Variants in KIAA1671 observed in about 807,000 individuals in gnomAD.
KIAA1671 encodes KIAA1671, also known as uncharacterized protein KIAA1671.
KIAA1671 carries 52 observed loss-of-function variants against 131.2 expected under a neutral mutation model. The ratio of observed to expected loss-of-function variants is 0.40; its 90% confidence interval spans 0.32 to 0.50. The LOEUF is 0.50. Ranked by LOEUF, KIAA1671 falls within the 20% of genes least tolerant of loss-of-function variation. The probability of loss-of-function intolerance (pLI) is 0.73; values close to 1 mark genes in which losing one functional copy is unlikely to be tolerated. For missense variants in KIAA1671, 2,360 were observed against 2,364.2 expected, an observed-to-expected ratio of 1.00 and a Z score of 0.04; for synonymous variants, 1,003 against 961.6, an observed-to-expected ratio of 1.04 and a Z score of -0.80.
At chr22:25,182,626 T>A (rs1402986772) in intron 10 of KIAA1671, among the ~76,000 whole-genome samples, 1 of 152,206 alleles carries the variant, frequency 6.6e-6, no homozygotes, top group East Asian at 1.9e-4. Flanking sequence ...CCAACTTACT[T>A]GGCTTTCACC....
chr22:24,979,837 A>G (rs1467275337), intron 1 of KIAA1671, among the ~76,000 whole-genome samples: 1 of 152,032 alleles, frequency 6.6e-6, no homozygotes, highest in Non-Finnish European at 1.5e-5. Flanking sequence ...TTCTTTCTCT[A>G]TGAATTTGAC....
chr22:25,196,782 C>T lies in KIAA1671; in HGVS notation c.*4381C>T, dbSNP rs1471141933. On this transcript the variant is annotated 3_prime_UTR_variant, in exon 13 of 13. Coordinates refer to ENST00000358431, the MANE Select transcript of KIAA1671 (RefSeq NM_001145206.2). ...CTCATTCCACATAGCCTTATAGATC[C>T]TGTAAATAGGGGGGGTCACAAAAGT... 1 of 144,398 alleles carries T rather than the reference C, an allele frequency of 6.9e-6. No individual in the cohort carries two copies. Among genetic ancestry groups the T allele is most frequent in the African/African-American group, 2.5e-5 (1 of 40,284 alleles). The allele number at this position is 144,398 out of a possible 1,614,324, so 8.9% of individuals were successfully genotyped here. A position where few individuals can be genotyped will look rare whatever the true frequency, so the allele number is the denominator to read the frequency against.
At chr22:25,187,826 G>A (rs1196210287) in intron 11 of KIAA1671, among the ~76,000 whole-genome samples, 1 of 152,010 alleles carries the variant, frequency 6.6e-6, no homozygotes. Context: ...TTAAAATGTT[G>A]TGTTCTCATT....
chr22:24,977,829 C>T (rs1463915945), intron 1 of KIAA1671, among the ~76,000 whole-genome samples: 1 of 152,216 alleles, frequency 6.6e-6, no homozygotes, highest in Non-Finnish European at 1.5e-5. Flanking sequence ...TCAGCTTCCC[C>T]ACATTCGGCA....
intron 6 of KIAA1671, among the ~76,000 whole-genome samples, chr22:25,144,729 G>A (rs1932851558): frequency 6.6e-6 from 1 of 152,106 alleles, no homozygotes; most frequent in Non-Finnish European, 1.5e-5. Flanking sequence ...GAGACAAAGG[G>A]ACTTGCCCAG....
chr22:25,076,842 G>A (rs112323365), intron 6 of KIAA1671, among the ~76,000 whole-genome samples: 11 of 152,158 alleles, frequency 7.2e-5, no homozygotes, highest in Non-Finnish European at 1.0e-4. Context: ...TGTACTAAAC[G>A]CCTTTCAGAG....
At chr22:25,141,466 T>A (rs374518725) in intron 6 of KIAA1671, among the ~76,000 whole-genome samples, 74 of 152,228 alleles carry the variant, frequency 4.9e-4, no homozygotes, top group African/African-American at 1.8e-3. Context: ...TCTCCTGACC[T>A]CGTGATCCGC....
At chr22:25,069,969 G>A (rs563627758) in intron 6 of KIAA1671, 6 of 176,660 alleles carry the variant, frequency 3.4e-5, no homozygotes, top group South Asian at 4.0e-4. Context: ...ACACACACGC[G>A]TGCACACATT....
intron 6 of KIAA1671, among the ~76,000 whole-genome samples, chr22:25,108,284 G>A (rs891560056): frequency 6.6e-6 from 1 of 152,172 alleles, no homozygotes; most frequent in Admixed American, 6.5e-5. Context: ...CCACCCCGAT[G>A]TCCAGATGGT....
At chr22:25,058,920 C>T (rs1480037047) in intron 6 of KIAA1671, 1 of 152,236 alleles carries the variant, frequency 6.6e-6, no homozygotes, top group Non-Finnish European at 1.5e-5. Flanking sequence ...CCTCTCTAAA[C>T]TCAGATGTCA....
chr22:25,148,847 C>A (rs1932945042), intron 6 of KIAA1671, among the ~76,000 whole-genome samples: 1 of 152,170 alleles, frequency 6.6e-6, no homozygotes, highest in Non-Finnish European at 1.5e-5. Flanking sequence ...GTGTTTACTG[C>A]AAGGGCTTTA....
intron 6 of KIAA1671, among the ~76,000 whole-genome samples, chr22:25,068,135 C>T (rs142869120): frequency 4.7e-4 from 71 of 152,294 alleles, no homozygotes; most frequent in African/African-American, 1.5e-3. Context: ...TTCAGCTGTA[C>T]TGTCTGGCAG....
At chr22:25,150,518 C>T (rs542316509) in intron 6 of KIAA1671, among the ~76,000 whole-genome samples, 20 of 152,298 alleles carry the variant, frequency 1.3e-4, no homozygotes, top group South Asian at 6.2e-4. Flanking sequence ...TGCACTCTTT[C>T]GGGCTGCCCC....
chr22:24,979,248 T>C (rs1162797006), intron 1 of KIAA1671, among the ~76,000 whole-genome samples: 1 of 146,968 alleles, frequency 6.8e-6, no homozygotes, highest in African/African-American at 2.5e-5. Context: ...ACTCCTGACC[T>C]CAGGTGATCT....
intron 1 of KIAA1671, chr22:25,010,018 C>A (rs941917896): frequency 3.9e-5 from 6 of 152,194 alleles, no homozygotes; most frequent in African/African-American, 1.2e-4. Context: ...CATGATTCGA[C>A]AGTGGATAAA....
intron 7 of KIAA1671, among the ~76,000 whole-genome samples, chr22:25,171,525 A>C (rs1933847414): frequency 6.6e-6 from 1 of 152,136 alleles, no homozygotes; most frequent in Admixed American, 6.6e-5. Flanking sequence ...CAGCCTGGCC[A>C]ACATGGCGAA....
At chr22:25,021,333 A>G (rs796891831) in intron 1 of KIAA1671, among the ~76,000 whole-genome samples, 1 of 151,968 alleles carries the variant, frequency 6.6e-6, no homozygotes, top group Non-Finnish European at 1.5e-5. Flanking sequence ...TGCTGGGATT[A>G]TAGGCATGAG....
At chr22:25,089,856 A>G (rs1929936420) in intron 6 of KIAA1671, among the ~76,000 whole-genome samples, 1 of 152,162 alleles carries the variant, frequency 6.6e-6, no homozygotes, top group Non-Finnish European at 1.5e-5. Flanking sequence ...CTGCAGGAGA[A>G]ATGCCTGGCC....
In KIAA1671 at chr22:25,040,053, A is replaced by C; in HGVS notation, c.2923A>C (p.Arg975=). Reference sequence around the variant, plus strand: ...AGAGGACTCTCCACATGTGGGGCACAGACGAACAGATTATGTGAGCCCCAC... The same window carrying C: ...AGAGGACTCTCCACATGTGGGGCACCGACGAACAGATTATGTGAGCCCCAC... ...VPEDSPHVGH[R]RTDYVSPTAS... Residue 975 remains arginine, a synonymous_variant, in exon 5 of 13, where the codon AGA becomes CGA. Transcript: ENST00000358431. The C allele has an allele frequency of 6.4e-7, 1 of 1,551,738 alleles. No homozygotes were observed. Among genetic ancestry groups the C allele is most frequent in the South Asian group, 1.2e-5 (1 of 84,060 alleles).
Sources: gnomAD v4.1 joint callset for allele counts (sites outside exome capture counted in the v4.1 genomes callset) on GRCh38, gnomAD v4.1.1 for gene constraint, MANE v1.5 for transcripts, NCBI Gene and HGNC (gene_info 2026-07-23, HGNC 2026-07-21) for gene names.